RPRD1A: variants seen among roughly 807,000 people sequenced by gnomAD.
The protein encoded by RPRD1A is regulation of nuclear pre-mRNA domain-containing protein 1A.
A neutral mutation model predicts 37.8 loss-of-function variants in RPRD1A; 9 were observed. The observed-to-expected ratio is 0.24, with a 90% CI of 0.14 to 0.42. The LOEUF is 0.42. Among genes scored for constraint, RPRD1A ranks in the 10% least tolerant of loss-of-function variants. The pLI is 1.00. For missense variants in RPRD1A, 255 were observed against 371.0 expected, an observed-to-expected ratio of 0.69 and a Z score of 2.57; for synonymous variants, 138 against 139.7, an observed-to-expected ratio of 0.99 and a Z score of 0.08.
intron 4 of RPRD1A, among the ~76,000 whole-genome samples, chr18:36,029,481 G>A (rs1196542402): frequency 6.6e-6 from 1 of 152,130 alleles, no homozygotes; most frequent in Non-Finnish European, 1.5e-5. Flanking sequence ...ATGAAGTTAG[G>A]TGTACAATTT....
chr18:36,053,811 G>C (rs959138084), intron 1 of RPRD1A, among the ~76,000 whole-genome samples: 20 of 152,056 alleles, frequency 1.3e-4, no homozygotes, highest in African/African-American at 4.6e-4. Flanking sequence ...GTAAATATGA[G>C]AACCTAGGCA....
chr18:36,058,952 A>C (rs879652698), intron 1 of RPRD1A, among the ~76,000 whole-genome samples: 2 of 152,200 alleles, frequency 1.3e-5, no homozygotes, highest in Non-Finnish European at 2.9e-5. Flanking sequence ...ATCTGGAAAA[A>C]TGTAAAATAA....
chr18:36,046,058 T>G (rs1190607408), intron 1 of RPRD1A, among the ~76,000 whole-genome samples: 1 of 152,354 alleles, frequency 6.6e-6, no homozygotes, highest in Admixed American at 6.5e-5. Flanking sequence ...ATAGAGCTTT[T>G]ATGATTATAT....
chr18:36,008,770 C>T (rs1909980668), intron 6 of RPRD1A, among the ~76,000 whole-genome samples: 1 of 151,530 alleles, frequency 6.6e-6, no homozygotes, highest in African/African-American at 2.4e-5. Context: ...CAAGTTTAAA[C>T]CACATCAGCA....
intron 6 of RPRD1A, among the ~76,000 whole-genome samples, chr18:35,997,258 A>G (rs1286134249): frequency 2.0e-5 from 3 of 152,106 alleles, no homozygotes; most frequent in Non-Finnish European, 2.9e-5. Context: ...ACATTCCCCA[A>G]TGACTTTTCT....
intron 1 of RPRD1A, among the ~76,000 whole-genome samples, chr18:36,057,051 CAAAAAAAAAAAAA>C (rs35428437): frequency 8.5e-4 from 38 of 44,736 alleles, no homozygotes; most frequent in Non-Finnish European, 1.1e-3. Context: ...CCTGTTTCTA[CAAAAAAAAAAAAA>C]AAAAAAAAAA....
intron 2 of RPRD1A, among the ~76,000 whole-genome samples, chr18:36,032,261 G>C (rs1274538146): frequency 6.7e-6 from 1 of 148,782 alleles, no homozygotes; most frequent in Non-Finnish European, 1.5e-5. Context: ...GAACAAAACT[G>C]TCTTGGTCAC....
chr18:36,033,299 CAAAAAAAA>C (rs71166085), intron 2 of RPRD1A, among the ~76,000 whole-genome samples: 17 of 75,920 alleles, frequency 2.2e-4, no homozygotes, highest in African/African-American at 5.8e-4. Context: ...GACTCTGTCT[CAAAAAAAA>C]AAAAAAAAAA....
rs1363472737 is a variant in RPRD1A at position 35,990,498 on chromosome 18, G to C, written c.*2653C>G. 1 of 152,206 alleles carries C rather than the reference G, an allele frequency of 6.6e-6. No homozygotes were observed. The highest frequency in any genetic ancestry group is 1.5e-5 in the Non-Finnish European group (1 of 68,050). 9.4% of individuals were successfully genotyped at this position (152,206 alleles called of 1,614,324 possible). A position where few individuals can be genotyped will look rare whatever the true frequency, so the allele number is the denominator to read the frequency against. ...GAGCACAGCTGATTCTCAGATTCCT[G>C]GTTCCCCTCTATGGTCCTTTTACTT... On this transcript the variant is annotated 3_prime_UTR_variant, in exon 7 of 7. Coordinates refer to ENST00000399022, the MANE Select transcript of RPRD1A (RefSeq NM_018170.5).
At chr18:36,027,404 T>A in intron 4 of RPRD1A, 94 bp from the exon 5 acceptor site, 2 of 1,347,876 alleles carry the variant, frequency 1.5e-6, no homozygotes, top group Non-Finnish European at 2.1e-6. Flanking sequence ...ATGGGCTATT[T>A]ACTAGTACAA....
intron 6 of RPRD1A, among the ~76,000 whole-genome samples, chr18:36,020,945 G>A (rs1031927987): frequency 6.6e-6 from 1 of 152,174 alleles, no homozygotes; most frequent in African/African-American, 2.4e-5. Context: ...AGAAAATGCA[G>A]AGCCCATAAA....
chr18:36,008,574 T>TGC (rs1909925233), intron 6 of RPRD1A, among the ~76,000 whole-genome samples: 1 of 103,798 alleles, frequency 9.6e-6, no homozygotes, highest in Non-Finnish European at 1.9e-5. Context: ...AGACCTTGTG[T>TGC]GTGTATATAT....
chr18:36,019,525 T>C (rs746052759), intron 6 of RPRD1A, among the ~76,000 whole-genome samples: 12 of 152,198 alleles, frequency 7.9e-5, no homozygotes, highest in Non-Finnish European at 1.6e-4. Context: ...AGCCAGGTAG[T>C]ACATGACAAC....
At chr18:36,009,696 GAACT>G (rs1167075965) in intron 6 of RPRD1A, among the ~76,000 whole-genome samples, 3 of 152,126 alleles carry the variant, frequency 2.0e-5, no homozygotes, top group African/African-American at 7.2e-5. Flanking sequence ...ATTATGAATA[GAACT>G]TACTGTGACA....
At chr18:36,002,153 T>A (rs1178787728) in intron 6 of RPRD1A, among the ~76,000 whole-genome samples, 2 of 152,210 alleles carry the variant, frequency 1.3e-5, no homozygotes, top group African/African-American at 4.8e-5. Flanking sequence ...TGGGTGTCTG[T>A]CACTAATTTT....
intron 6 of RPRD1A, among the ~76,000 whole-genome samples, chr18:36,020,233 A>T (rs529803462): frequency 6.6e-6 from 1 of 152,084 alleles, no homozygotes; most frequent in South Asian, 2.1e-4. Context: ...ATCAACTAAA[A>T]CTCTACACGA....
intron 1 of RPRD1A, among the ~76,000 whole-genome samples, chr18:36,039,477 CAG>C: frequency 6.6e-6 from 1 of 152,264 alleles, no homozygotes; most frequent in East Asian, 1.9e-4. Flanking sequence ...AAAAAGAAAT[CAG>C]AGTCCAGACT....
intron 1 of RPRD1A, among the ~76,000 whole-genome samples, chr18:36,050,814 GGATT>G (rs1913329431): frequency 2.0e-5 from 3 of 151,046 alleles, no homozygotes; most frequent in Non-Finnish European, 4.4e-5. Context: ...AAAAGTGTTG[GGATT>G]ACAGGTGTGA....
intron 6 of RPRD1A, among the ~76,000 whole-genome samples, chr18:36,024,353 A>C: frequency 1.4e-5 from 2 of 143,818 alleles, no homozygotes; most frequent in African/African-American, 2.6e-5. Context: ...ATGGGGTTTC[A>C]CCATGTCAGC....
Sources: gnomAD v4.1 joint callset for allele counts (sites outside exome capture counted in the v4.1 genomes callset) on GRCh38, gnomAD v4.1.1 for gene constraint, MANE v1.5 for transcripts, NCBI Gene and HGNC (gene_info 2026-07-23, HGNC 2026-07-21) for gene names.